Variants in MEIOSIN observed in about 807,000 individuals in gnomAD.
MEIOSIN encodes the protein meiosis initiator.
In MEIOSIN, 18 loss-of-function variants were observed where a neutral mutation model predicts 23.4. The ratio of observed to expected loss-of-function variants is 0.77; its 90% CI spans 0.53 to 1.14. The LOEUF (loss-of-function observed/expected upper bound fraction) is 1.14. Ranked by LOEUF, MEIOSIN falls within the 50% of genes most tolerant of loss-of-function variation. The pLI is 0.00. For missense variants in MEIOSIN, 428 were observed against 242.9 expected (o/e 1.76, Z -5.07); for synonymous variants, 187 against 100.6 (o/e 1.86, Z -5.14).
At position 45,764,301 on chromosome 19, in the gene MEIOSIN, CAG is replaced by C. The variant is rs1969015660; in HGVS notation, c.*186_*187del. 2.5e-6 allele frequency: 1 copy of C among 395,492 alleles called. No individual in the cohort carries two copies. Among genetic ancestry groups the C allele is most frequent in the Non-Finnish European group, 4.5e-6 (1 of 224,520 alleles). The allele number at this position is 395,492 out of a possible 1,614,324, so 24.5% of individuals were successfully genotyped here. A position where few individuals can be genotyped will look rare whatever the true frequency, so the allele number is the denominator to read the frequency against. Reference sequence around the variant, plus strand: ...CGCTGGGCACATTTGCCTGGAGCACCAGAGTCACCCACAGCTGCCTTGATTCT... The same window carrying C: ...CGCTGGGCACATTTGCCTGGAGCACCAGTCACCCACAGCTGCCTTGATTCT... On this transcript the variant is annotated 3_prime_UTR_variant, in exon 15 of 15. Transcript: ENST00000457052.
rs1390333438 is a variant in MEIOSIN at position 45,735,429 on chromosome 19, C to A, written c.53C>A (p.Ser18Ter). The change falls in exon 2 of 15, where the codon TCA becomes TAA. Residue 18 changes from serine to a stop codon, truncating the protein, a stop_gained. Transcript: ENST00000457052. LOFTEE classifies it high-confidence loss of function. ...TCCTCTGAACAGCCCAGAGCTAATT[C>A]ACTGGGTCCCAGTGACAGGTAAGGG... is the stretch of plus-strand genomic sequence containing the variant. ...LGSSEQPRANSLGPSDRTLVL... is the reference protein window; with the variant it reads ...LGSSEQPRAN 1.4e-6 allele frequency: 1 copy of A among 702,704 alleles called. No individual in the cohort carries two copies. The allele number at this position is 702,704 out of a possible 1,614,324, so 43.5% of individuals were successfully genotyped here. A position where few individuals can be genotyped will look rare whatever the true frequency, so the allele number is the denominator to read the frequency against.
intron 3 of MEIOSIN, among the ~76,000 whole-genome samples, chr19:45,740,361 G>A (rs1352167513): frequency 6.6e-6 from 1 of 152,194 alleles, no homozygotes; most frequent in Admixed American, 6.6e-5. Context: ...TCAAAAACTG[G>A]AGCTTATATA....
At chr19:45,736,737 T>A (rs1197326967) in intron 2 of MEIOSIN, among the ~76,000 whole-genome samples, 1 of 150,854 alleles carries the variant, frequency 6.6e-6, no homozygotes, top group Non-Finnish European at 1.5e-5. Flanking sequence ...CCTGGCTAAT[T>A]TTTTATATTT....
chr19:45,760,021 C>A (rs980811456), intron 11 of MEIOSIN, among the ~76,000 whole-genome samples: 1 of 151,710 alleles, frequency 6.6e-6, no homozygotes, highest in African/African-American at 2.4e-5. Flanking sequence ...GGCTGGTCTC[C>A]AACTCCTGAC....
intron 3 of MEIOSIN, among the ~76,000 whole-genome samples, chr19:45,741,026 A>G (rs73560927): frequency 0.022 from 3,308 of 152,014 alleles, 116 homozygotes; most frequent in African/African-American, 0.077. Context: ...GCCCTATACA[A>G]TTTTACCTTC....
chr19:45,745,356 A>T (rs1968575023), intron 4 of MEIOSIN, 35 bp downstream of exon 4: 1 of 692,106 alleles, frequency 1.4e-6, no homozygotes. Context: ...CAGATTTGGG[A>T]CGCAGGTCTT....
intron 4 of MEIOSIN, among the ~76,000 whole-genome samples, chr19:45,749,726 C>T (rs112094417): frequency 0.02 from 2,962 of 146,742 alleles, 101 homozygotes; most frequent in African/African-American, 0.072. Flanking sequence ...GACTATTGGC[C>T]GGGCGTGGTG....
chr19:45,741,261 C>T (rs1009159403), intron 3 of MEIOSIN, among the ~76,000 whole-genome samples: 1 of 151,752 alleles, frequency 6.6e-6, no homozygotes, highest in Non-Finnish European at 1.5e-5. Flanking sequence ...GCAGAAGAAT[C>T]GCTTGAATCT....
chr19:45,756,892 C>T (rs1276745676), intron 8 of MEIOSIN, among the ~76,000 whole-genome samples: 1 of 152,184 alleles, frequency 6.6e-6, no homozygotes, highest in Admixed American at 6.5e-5. Context: ...AGTACTTCTT[C>T]CTGGATAGCC....
At chr19:45,739,128 C>T (rs1384972606) in intron 2 of MEIOSIN, among the ~76,000 whole-genome samples, 1 of 151,940 alleles carries the variant, frequency 6.6e-6, no homozygotes, top group Non-Finnish European at 1.5e-5. Flanking sequence ...AGCAGGTTCT[C>T]CCTTTGCTTT....
rs200878966 is a variant in MEIOSIN at position 45,746,006 on chromosome 19, TCA to T, written c.306+687_306+688del. 5.8e-3 allele frequency among the ~76,000 whole-genome samples: 885 copies of T among 152,328 alleles called. 7 individuals are homozygous for T. The highest frequency in any genetic ancestry group is 0.012 in the Admixed American group (183 of 15,296). On this transcript the variant is annotated intron_variant, in intron 4 of 14. Coordinates refer to ENST00000457052, the MANE Select transcript of MEIOSIN (RefSeq NM_001310124.2). ...GTTTTTGAGACAGGATCTCACTGTC[TCA>T]CCCAGGCTACAGTGTAGTGGCTCGA... is the stretch of plus-strand genomic sequence containing the variant.
In MEIOSIN at chr19:45,735,453, G is replaced by T; in HGVS notation, c.71+6G>T. 1 of 701,230 alleles carries T rather than the reference G, an allele frequency of 1.4e-6. No homozygotes were observed. Among genetic ancestry groups the T allele is most frequent in the Non-Finnish European group, 2.6e-6 (1 of 384,076 alleles). The allele number at this position is 701,230 out of a possible 1,614,324, so 43.4% of individuals were successfully genotyped here. Reference sequence around the variant, plus strand: ...TCACTGGGTCCCAGTGACAGGTAAGGGCTTGCCCCATCTCCCTTATAGCCC... The same window carrying T: ...TCACTGGGTCCCAGTGACAGGTAAGTGCTTGCCCCATCTCCCTTATAGCCC... On this transcript the variant is annotated splice_donor_region_variant and intron_variant, in intron 2 of 14. Transcript: ENST00000457052.
At chr19:45,748,159 G>A (rs967740257) in intron 4 of MEIOSIN, among the ~76,000 whole-genome samples, 1 of 151,762 alleles carries the variant, frequency 6.6e-6, no homozygotes, top group African/African-American at 2.4e-5. Context: ...CTCACTGCAA[G>A]CTCTGCCTCC....
rs1241259437 is a variant in MEIOSIN, at chr19:45,757,258, C to A, written c.993C>A (p.Thr331=). ...LDADPWLPAW[T]PENSPQGSPL... ...CTGACCCTTGGCTCCCTGCCTGGAC[C>A]CCAGAGAACAGCCCCCAAGGTGACT... The change falls in exon 9 of 15, where the codon ACC becomes ACA. Residue 331 remains threonine (T), a synonymous_variant. Coordinates refer to ENST00000457052, the MANE Select transcript of MEIOSIN (RefSeq NM_001310124.2). 1.4e-6 allele frequency: 1 copy of A among 702,856 alleles called. No homozygotes were observed. 43.5% of individuals were successfully genotyped at this position (702,856 alleles called of 1,614,324 possible).
intron 3 of MEIOSIN, among the ~76,000 whole-genome samples, chr19:45,742,715 G>A (rs1250818327): frequency 1.3e-5 from 2 of 151,874 alleles, no homozygotes; most frequent in East Asian, 1.9e-4. Flanking sequence ...CTGAGGAGGC[G>A]TAATCCCGGG....
chr19:45,733,872 ACT>A lies in MEIOSIN; in HGVS notation c.-1+209_-1+210del, dbSNP rs749208776. On this transcript the variant is annotated intron_variant, in intron 1 of 14. Coordinates refer to ENST00000457052, the MANE Select transcript of MEIOSIN (RefSeq NM_001310124.2). This position sits in a 1 kb window ranked among gnomAD's most constrained non-coding sequence, Gnocchi z 5.7. ...CAGGTTCGAGTTTGAGGAACGGAAGACTCTGTTTGTGTTGGGAATCCGGGCTC... is the reference window on the plus strand; with the variant it reads ...CAGGTTCGAGTTTGAGGAACGGAAGACTGTTTGTGTTGGGAATCCGGGCTC... Among the ~76,000 whole-genome samples, 24 of 150,574 alleles carry A rather than the reference ACT, an allele frequency of 1.6e-4. No individual in the cohort carries two copies. Among genetic ancestry groups the A allele is most frequent in the African/African-American group, 2.4e-4 (10 of 40,868 alleles).
At chr19:45,753,366 G>A (rs1381471583) in intron 5 of MEIOSIN, among the ~76,000 whole-genome samples, 4 of 152,118 alleles carry the variant, frequency 2.6e-5, no homozygotes, top group Non-Finnish European at 5.9e-5. Context: ...GGTGTGGGCG[G>A]GGAGAGGGTG....
At chr19:45,750,630 A>C (rs1968685753) in intron 4 of MEIOSIN, 45 bp from the exon 5 acceptor site, 1 of 492,306 alleles carries the variant, frequency 2.0e-6, no homozygotes, top group Non-Finnish European at 3.6e-6. Context: ...AAGTGCTGTG[A>C]TTACAGGCGT....
At chr19:45,752,627 A>G (rs1968735294) in intron 5 of MEIOSIN, among the ~76,000 whole-genome samples, 1 of 152,112 alleles carries the variant, frequency 6.6e-6, no homozygotes, top group Non-Finnish European at 1.5e-5. Context: ...TGCTGGGATT[A>G]TAGGAGTGGG....
Sources: gnomAD v4.1 joint callset for allele counts (sites outside exome capture counted in the v4.1 genomes callset) on GRCh38, gnomAD v4.1.1 for gene constraint, Gnocchi (gnomAD v3.1) non-coding constraint, MANE v1.5 for transcripts, NCBI Gene and HGNC (gene_info 2026-07-23, HGNC 2026-07-21) for gene names.